ZDHHC21: variants seen among roughly 807,000 people sequenced by gnomAD.
ZDHHC21 encodes zDHHC palmitoyltransferase 21, also known as palmitoyltransferase ZDHHC21.
A neutral mutation model predicts 34.6 loss-of-function variants in ZDHHC21; 15 were observed. The observed-to-expected ratio is 0.43, with a 90% CI of 0.29 to 0.67. ZDHHC21 has a LOEUF of 0.67. Ranked by LOEUF, ZDHHC21 falls within the 30% of genes least tolerant of loss-of-function variation. The pLI is 0.14. For synonymous variants in ZDHHC21, 142 were observed against 101.8 expected (o/e 1.40, Z -2.38); for missense variants, 344 against 327.7 (o/e 1.05, Z -0.38).
chr9:14,619,606 A>G, intron 9 of ZDHHC21, 33 bp downstream of exon 9: 1 of 1,361,190 alleles, frequency 7.3e-7, no homozygotes, highest in Non-Finnish European at 1.0e-6. Flanking sequence ...TTCCAATTTT[A>G]AATAATACTA....
intron 9 of ZDHHC21, 59 bp from the exon 10 acceptor site, chr9:14,619,157 T>TA (rs780207324): frequency 1.8e-5 from 28 of 1,531,962 alleles, no homozygotes; most frequent in African/African-American, 2.8e-5. Flanking sequence ...TTCAGTCAGC[T>TA]AAAACAATAC....
intron 7 of ZDHHC21, among the ~76,000 whole-genome samples, chr9:14,651,681 A>G (rs1222226534): frequency 6.6e-6 from 1 of 152,008 alleles, no homozygotes; most frequent in Non-Finnish European, 1.5e-5. Context: ...CTCTTTAAAT[A>G]CAGTGGTACT....
intron 5 of ZDHHC21, among the ~76,000 whole-genome samples, chr9:14,671,285 T>C (rs922799173): frequency 6.6e-6 from 1 of 152,046 alleles, no homozygotes; most frequent in African/African-American, 2.4e-5. Context: ...ATGAGTCTTT[T>C]AAAAGACTCT....
chr9:14,651,347 TG>T (rs1446983497), intron 7 of ZDHHC21, among the ~76,000 whole-genome samples: 1 of 151,808 alleles, frequency 6.6e-6, no homozygotes, highest in Non-Finnish European at 1.5e-5. Flanking sequence ...AAAAATTCCT[TG>T]GGGGAAAAAT....
intron 2 of ZDHHC21, among the ~76,000 whole-genome samples, chr9:14,684,514 C>T (rs1319083999): frequency 2.7e-5 from 4 of 149,300 alleles, no homozygotes; most frequent in African/African-American, 4.9e-5. Context: ...AGGACCTCGT[C>T]AAGGAGAACT....
the ZDHHC21 span, among the ~76,000 whole-genome samples, chr9:14,597,662 C>A: frequency 6.6e-6 from 1 of 152,126 alleles, no homozygotes; most frequent in South Asian, 2.1e-4. Flanking sequence ...GAGGTAAGGT[C>A]TGTCCCACCC....
At chr9:14,657,175 C>G (rs1182333941) in intron 7 of ZDHHC21, among the ~76,000 whole-genome samples, 1 of 151,970 alleles carries the variant, frequency 6.6e-6, no homozygotes, top group African/African-American at 2.4e-5. Context: ...CTTAGTTGGT[C>G]ATCAATCTTC....
At chr9:14,657,634 T>G (rs906653334) in intron 7 of ZDHHC21, among the ~76,000 whole-genome samples, 2 of 152,094 alleles carry the variant, frequency 1.3e-5, no homozygotes, top group Non-Finnish European at 2.9e-5. Context: ...CAAAAGAAAG[T>G]AGCTGTTTTC....
intron 3 of ZDHHC21, among the ~76,000 whole-genome samples, chr9:14,676,445 T>G (rs1264496979): frequency 6.6e-6 from 1 of 151,878 alleles, no homozygotes; most frequent in African/African-American, 2.4e-5. Flanking sequence ...AATACTTGAT[T>G]TTAAAGGAAT....
intron 7 of ZDHHC21, among the ~76,000 whole-genome samples, chr9:14,655,053 G>T (rs934829683): frequency 2.6e-5 from 4 of 151,806 alleles, no homozygotes; most frequent in Non-Finnish European, 4.4e-5. Context: ...CAATACCAAA[G>T]CACATCATAG....
intron 3 of ZDHHC21, among the ~76,000 whole-genome samples, chr9:14,678,768 C>T (rs1836862717): frequency 6.6e-6 from 1 of 151,978 alleles, no homozygotes; most frequent in Non-Finnish European, 1.5e-5. Flanking sequence ...TCTAAATGTC[C>T]ATGTAGAGAA....
chr9:14,603,545 C>A, the ZDHHC21 span, among the ~76,000 whole-genome samples: 3 of 152,100 alleles, frequency 2.0e-5, no homozygotes, highest in African/African-American at 7.2e-5. Context: ...CAGTAACAAG[C>A]ACAACCGTAA....
At chr9:14,674,676 T>G (rs960381947) in intron 3 of ZDHHC21, among the ~76,000 whole-genome samples, 3 of 152,022 alleles carry the variant, frequency 2.0e-5, no homozygotes, top group Non-Finnish European at 4.4e-5. Context: ...TCTACTGAAT[T>G]TAAAACACAA....
In ZDHHC21 at chr9:14,672,824, C is replaced by G. The variant is rs1200978502; in HGVS notation, c.253+6G>C. ...CAGCAAAACTGATAAATCCAGAGTA[C>G]CATACCTCCATGTGGGATCTTGGGG... On this transcript the variant is annotated splice_donor_region_variant and intron_variant, in intron 5 of 9. Coordinates refer to ENST00000380916, the MANE Select transcript of ZDHHC21 (RefSeq NM_178566.6). The G allele has an allele frequency of 6.3e-7, 1 of 1,596,436 alleles. No individual in the cohort carries two copies. Among genetic ancestry groups the G allele is most frequent in the African/African-American group, 1.3e-5 (1 of 74,346 alleles).
At chr9:14,598,873 A>G in the ZDHHC21 span, among the ~76,000 whole-genome samples, 1 of 152,014 alleles carries the variant, frequency 6.6e-6, no homozygotes, top group Non-Finnish European at 1.5e-5. Context: ...CTCCCACTCC[A>G]GTCTCCCAAG....
intron 1 of ZDHHC21, among the ~76,000 whole-genome samples, chr9:14,691,044 C>T (rs1322547666): frequency 6.6e-6 from 1 of 152,148 alleles, no homozygotes; most frequent in Non-Finnish European, 1.5e-5. Flanking sequence ...ACAGCCTTTC[C>T]TCTGCCTTCC....
At chr9:14,671,766 T>C (rs544794206) in intron 5 of ZDHHC21, among the ~76,000 whole-genome samples, 6 of 152,218 alleles carry the variant, frequency 3.9e-5, no homozygotes, top group South Asian at 4.1e-4. Context: ...CAAAAACCCA[T>C]AGAATTGTAC....
rs1324430829 is a variant in ZDHHC21 at position 14,617,243 on chromosome 9, T to C, written c.*1723A>G. 1 of 151,972 alleles carries C rather than the reference T, an allele frequency of 6.6e-6. No individual in the cohort carries two copies. The highest frequency in any genetic ancestry group is 2.1e-4 in the South Asian group (1 of 4,836). The allele number at this position is 151,972 out of a possible 1,614,324, so 9.4% of individuals were successfully genotyped here. On this transcript the variant is annotated 3_prime_UTR_variant, in exon 10 of 10. Coordinates refer to ENST00000380916, the MANE Select transcript of ZDHHC21 (RefSeq NM_178566.6). ...AAGCTTTATAAATATATTTCTTCTA[T>C]TTAATTTACTACGTCTCTTTTCAGT...
chr9:14,640,471 T>A (rs1384787606), intron 7 of ZDHHC21, among the ~76,000 whole-genome samples: 1 of 152,146 alleles, frequency 6.6e-6, no homozygotes, highest in Non-Finnish European at 1.5e-5. Flanking sequence ...GTGACCAAGA[T>A]ATCTAGAAAT....
Sources: gnomAD v4.1 joint callset for allele counts (sites outside exome capture counted in the v4.1 genomes callset) on GRCh38, gnomAD v4.1.1 for gene constraint, MANE v1.5 for transcripts, NCBI Gene and HGNC (gene_info 2026-07-23, HGNC 2026-07-21) for gene names.